Variants in CACNA2D3 observed in about 807,000 individuals in gnomAD.
CACNA2D3 encodes the protein voltage-dependent calcium channel subunit alpha-2/delta-3.
In CACNA2D3, 60 loss-of-function variants were observed where a neutral mutation model predicts 160.6. The observed-to-expected ratio is 0.37, with a 90% CI of 0.30 to 0.46. CACNA2D3 has a LOEUF of 0.46. Among genes scored for constraint, CACNA2D3 ranks in the 20% least tolerant of loss-of-function variants. The probability of loss-of-function intolerance (pLI) is 1.00; values close to 1 mark genes in which losing one functional copy is unlikely to be tolerated. For synonymous variants in CACNA2D3, 558 were observed against 492.9 expected (o/e 1.13, Z -1.75); for missense variants, 1,205 against 1,365.0 (o/e 0.88, Z 1.85).
chr3:54,691,979 C>A (rs927035070), intron 11 of CACNA2D3, among the ~76,000 whole-genome samples: 1 of 148,838 alleles, frequency 6.7e-6, no homozygotes, highest in Non-Finnish European at 1.5e-5. Flanking sequence ...ATATTAATTT[C>A]TTTCTTCCTT....
chr3:54,793,036 G>A (rs899331199), intron 13 of CACNA2D3, among the ~76,000 whole-genome samples: 23 of 152,162 alleles, frequency 1.5e-4, no homozygotes, highest in African/African-American at 4.8e-4. Flanking sequence ...CTACATCCAT[G>A]GAGATTTTGT....
At chr3:54,879,247 G>T in intron 19 of CACNA2D3, 103 bp from the exon 20 acceptor site, 2 of 931,208 alleles carry the variant, frequency 2.1e-6, no homozygotes, top group South Asian at 1.6e-5. Context: ...CTGTTAACCT[G>T]ATCATAGTGT....
chr3:54,252,914 C>G (rs1702223541), intron 2 of CACNA2D3, among the ~76,000 whole-genome samples: 1 of 152,182 alleles, frequency 6.6e-6, no homozygotes, highest in Non-Finnish European at 1.5e-5. Flanking sequence ...TTTCATCAAT[C>G]TTGGTCTTCA....
intron 11 of CACNA2D3, among the ~76,000 whole-genome samples, chr3:54,714,619 G>A (rs1267487678): frequency 2.0e-5 from 3 of 152,084 alleles, no homozygotes; most frequent in Admixed American, 6.6e-5. Context: ...AACTTGTTTC[G>A]TATGTTTACA....
At chr3:54,686,598 G>A (rs1328755795) in intron 11 of CACNA2D3, among the ~76,000 whole-genome samples, 4 of 152,178 alleles carry the variant, frequency 2.6e-5, no homozygotes, top group Non-Finnish European at 4.4e-5. Context: ...ACTGTGGGCC[G>A]AGGTACCCTT....
intron 4 of CACNA2D3, among the ~76,000 whole-genome samples, chr3:54,491,589 C>T (rs1158465845): frequency 6.6e-6 from 1 of 152,100 alleles, no homozygotes; most frequent in Non-Finnish European, 1.5e-5. Context: ...ATTATGTGCT[C>T]TCACCTGAAA....
intron 2 of CACNA2D3, among the ~76,000 whole-genome samples, chr3:54,192,671 GGTGTGTGT>G (rs147191768): frequency 6.7e-6 from 1 of 149,594 alleles, no homozygotes; most frequent in Non-Finnish European, 1.5e-5. Context: ...CCATATGTGA[GGTGTGTGT>G]GTGTGTGTGT....
chr3:54,896,230 C>T (rs1480721492), intron 25 of CACNA2D3, among the ~76,000 whole-genome samples: 1 of 152,080 alleles, frequency 6.6e-6, no homozygotes, highest in African/African-American at 2.4e-5. Context: ...GTTTGTCCAG[C>T]GAGGAGGCAG....
chr3:54,561,210 A>T (rs1702319537), intron 5 of CACNA2D3, among the ~76,000 whole-genome samples: 1 of 152,234 alleles, frequency 6.6e-6, no homozygotes, highest in Admixed American at 6.5e-5. Context: ...ATCCATGAGC[A>T]TGGGATGTCT....
chr3:54,968,615 T>A, intron 28 of CACNA2D3, 104 bp downstream of exon 28: 3 of 802,854 alleles, frequency 3.7e-6, no homozygotes, highest in Non-Finnish European at 6.3e-6. Context: ...CGATGAATGT[T>A]TGTAAAATCA....
chr3:54,835,647 A>T (rs372631151), intron 14 of CACNA2D3, among the ~76,000 whole-genome samples: 1 of 152,214 alleles, frequency 6.6e-6, no homozygotes, highest in Non-Finnish European at 1.5e-5. Context: ...AACTAAAGCT[A>T]TGGAAGAGAA....
intron 10 of CACNA2D3, chr3:54,632,176 C>T (rs1265832279): frequency 6.6e-6 from 1 of 152,252 alleles, no homozygotes; most frequent in Non-Finnish European, 1.5e-5. Flanking sequence ...TCTACAGCTA[C>T]AGATTGCAGC....
chr3:54,205,408 A>T (rs2107354990), intron 2 of CACNA2D3, among the ~76,000 whole-genome samples: 1 of 152,322 alleles, frequency 6.6e-6, no homozygotes, highest in Non-Finnish European at 1.5e-5. Context: ...TGAAAATTTA[A>T]AGCAGCTCAT....
At chr3:55,040,985 G>A (rs1188275745) in intron 35 of CACNA2D3, among the ~76,000 whole-genome samples, 1 of 152,052 alleles carries the variant, frequency 6.6e-6, no homozygotes, top group Non-Finnish European at 1.5e-5. Context: ...AAATTGAAAT[G>A]TATTCATTTT....
At chr3:55,069,983 C>T (rs901105853) in intron 35 of CACNA2D3, among the ~76,000 whole-genome samples, 1 of 144,500 alleles carries the variant, frequency 6.9e-6, no homozygotes, top group Admixed American at 7.2e-5. Flanking sequence ...GAGTTTGATT[C>T]TGTTGGTTAT....
At chr3:54,997,131 C>G (rs2107125259) in intron 31 of CACNA2D3, among the ~76,000 whole-genome samples, 1 of 152,228 alleles carries the variant, frequency 6.6e-6, no homozygotes, top group East Asian at 1.9e-4. Flanking sequence ...GGTAACAAAC[C>G]TGCACATTCT....
In CACNA2D3 at chr3:54,765,996, A is replaced by T. The variant is rs142023308; in HGVS notation, c.1380+1645A>T. 2.3e-4 allele frequency among the ~76,000 whole-genome samples: 35 copies of T among 152,298 alleles called. No homozygotes were observed. In the East Asian group the frequency reaches 6.0e-3, roughly 26 times the overall value. On this transcript the variant is annotated intron_variant, in intron 13 of 37. Coordinates refer to ENST00000474759, the MANE Select transcript of CACNA2D3 (RefSeq NM_018398.3). ...GGATCAGACGTCTAAATTGTAAAAA[A>T]TGAAACCATTACAAGCAGTAGAAGA...
intron 27 of CACNA2D3, among the ~76,000 whole-genome samples, chr3:54,911,692 C>A (rs951377662): frequency 6.6e-6 from 1 of 152,114 alleles, no homozygotes; most frequent in East Asian, 1.9e-4. Flanking sequence ...TCTACCGCTT[C>A]CCCTGTCTTC....
At chr3:54,178,508 T>C (rs969869190) in intron 2 of CACNA2D3, among the ~76,000 whole-genome samples, 1 of 152,200 alleles carries the variant, frequency 6.6e-6, no homozygotes, top group Non-Finnish European at 1.5e-5. Flanking sequence ...CTGTGTGCTT[T>C]AGTAAGCAGA....
Sources: allele counts gnomAD v4.1 joint callset (sites outside exome capture counted in the v4.1 genomes callset), GRCh38; gene constraint gnomAD v4.1.1; transcripts MANE v1.5; gene names NCBI Gene and HGNC (gene_info 2026-07-23, HGNC 2026-07-21).